CHN1: variants seen among roughly 807,000 people sequenced by gnomAD.
The protein encoded by CHN1 is N-chimaerin.
A neutral mutation model predicts 59.5 loss-of-function variants in CHN1; 37 were observed. The ratio of observed to expected loss-of-function variants is 0.62; its 90% CI spans 0.48 to 0.82. The LOEUF (loss-of-function observed/expected upper bound fraction) is 0.82. CHN1 is among the 40% of genes least tolerant of loss of function. CHN1 has a pLI of 0.00. For synonymous variants in CHN1, 206 were observed against 200.4 expected, an observed-to-expected ratio of 1.03 and a Z score of -0.24; for missense variants, 469 against 571.0, an observed-to-expected ratio of 0.82 and a Z score of 1.82.
intron 2 of CHN1, 56 bp downstream of exon 2, chr2:174,952,108 A>G: frequency 9.4e-7 from 1 of 1,061,972 alleles, no homozygotes; most frequent in Non-Finnish European, 1.3e-6. Flanking sequence ...TAATAATCCC[A>G]TATTTTTATA....
intron 5 of CHN1, among the ~76,000 whole-genome samples, chr2:174,884,921 T>C (rs1325459576): frequency 6.6e-6 from 1 of 152,142 alleles, no homozygotes; most frequent in Non-Finnish European, 1.5e-5. Flanking sequence ...TGGAATAGAA[T>C]TAGTAAAGAC....
chr2:174,916,302 A>C (rs1323127947), intron 4 of CHN1, among the ~76,000 whole-genome samples: 1 of 152,132 alleles, frequency 6.6e-6, no homozygotes, highest in East Asian at 1.9e-4. Flanking sequence ...AGTGGGATTC[A>C]CTTTATTTTT....
chr2:174,847,688 CA>C, intron 6 of CHN1: 1 of 1,282,482 alleles, frequency 7.8e-7, no homozygotes, highest in Non-Finnish European at 1.0e-6. Flanking sequence ...AATCAAGCAA[CA>C]GTATTTAAGT....
intron 1 of CHN1, among the ~76,000 whole-genome samples, chr2:174,995,027 ATAAAAG>A (rs1399955197): frequency 6.6e-6 from 1 of 152,226 alleles, no homozygotes; most frequent in Non-Finnish European, 1.5e-5. Flanking sequence ...AAGAAAAAAC[ATAAAAG>A]TAAATGTTTA....
At chr2:174,893,644 T>A (rs933682156) in intron 5 of CHN1, among the ~76,000 whole-genome samples, 1 of 152,148 alleles carries the variant, frequency 6.6e-6, no homozygotes, top group African/African-American at 2.4e-5. Context: ...GAAATTCATA[T>A]GAAATCTCAA....
chr2:174,870,761 C>T (rs1336038177), intron 6 of CHN1, among the ~76,000 whole-genome samples: 1 of 152,186 alleles, frequency 6.6e-6, no homozygotes, highest in Admixed American at 6.5e-5. Context: ...ATGATTATTT[C>T]CTCACCAAAA....
At position 175,005,254 on chromosome 2, in the gene CHN1, G is replaced by C; in HGVS notation, c.-342C>G. On this transcript the variant is annotated 5_prime_UTR_variant, in exon 1 of 13. Transcript: ENST00000409900. ...CGGCGCAGTGGCTGGCGGAGAGGCGGCGCCGCACTGGCGGCGGCGGCGGCG... is the reference window on the plus strand; with the variant it reads ...CGGCGCAGTGGCTGGCGGAGAGGCGCCGCCGCACTGGCGGCGGCGGCGGCG... 1 of 1,177,050 alleles carries C rather than the reference G, an allele frequency of 8.5e-7. No individual in the cohort carries two copies. Among genetic ancestry groups the C allele is most frequent in the Non-Finnish European group, 1.1e-6 (1 of 949,756 alleles). The allele number at this position is 1,177,050 out of a possible 1,614,324, so 72.9% of individuals were successfully genotyped here.
chr2:174,805,598 T>C (rs899108568), intron 11 of CHN1, among the ~76,000 whole-genome samples: 2 of 152,274 alleles, frequency 1.3e-5, no homozygotes, highest in East Asian at 3.9e-4. Context: ...AAAGATGGTC[T>C]GCAGCTGAGA....
At chr2:174,839,165 A>G (rs995759896) in intron 7 of CHN1, among the ~76,000 whole-genome samples, 61 of 152,280 alleles carry the variant, frequency 4.0e-4, no homozygotes, top group African/African-American at 1.4e-3. Context: ...ATTACCTCAC[A>G]TATTTTTTGT....
intron 10 of CHN1, among the ~76,000 whole-genome samples, chr2:174,810,156 G>A (rs993707017): frequency 1.3e-5 from 2 of 152,130 alleles, no homozygotes; most frequent in Non-Finnish European, 2.9e-5. Context: ...CAAAGGTATA[G>A]GATTATTCCT....
At chr2:174,997,245 G>A (rs1319980387) in intron 1 of CHN1, among the ~76,000 whole-genome samples, 2 of 152,056 alleles carry the variant, frequency 1.3e-5, no homozygotes, top group South Asian at 2.1e-4. Flanking sequence ...CTCACTTAAC[G>A]GTATCATCCA....
At chr2:174,837,845 T>C (rs1260048461) in intron 7 of CHN1, among the ~76,000 whole-genome samples, 1 of 152,210 alleles carries the variant, frequency 6.6e-6, no homozygotes, top group Admixed American at 6.5e-5. Flanking sequence ...TATATTCCAC[T>C]TCCTTTGGTG....
chr2:174,824,381 CCT>C, intron 8 of CHN1, 51 bp downstream of exon 8: 1 of 1,386,504 alleles, frequency 7.2e-7, no homozygotes, highest in Non-Finnish European at 9.9e-7. Flanking sequence ...TTCTACCTCA[CCT>C]CTTATAACTT....
Position 174,906,113 on chromosome 2 carries a change from GTATATACCCAAAAGA to G in CHN1, c.260+8930_260+8944del, listed in dbSNP as rs539733545. 3.5e-3 allele frequency among the ~76,000 whole-genome samples: 526 copies of G among 151,980 alleles called. 1 individual carries two copies. The highest frequency in any genetic ancestry group is 5.7e-3 in the Non-Finnish European group (390 of 67,976). On this transcript the variant is annotated intron_variant, in intron 5 of 12. Transcript: ENST00000409900. ...TACGACCCAGCAACTTCACTCCTAG[GTATATACCCAAAAGA>G]AATAAAAACATATGTTTATACAAAA...
chr2:174,841,758 T>C (rs902178924), intron 7 of CHN1, among the ~76,000 whole-genome samples: 1 of 152,212 alleles, frequency 6.6e-6, no homozygotes, highest in East Asian at 1.9e-4. Flanking sequence ...AAAATGTTTA[T>C]GTTGGACACT....
At chr2:174,955,246 A>T (rs941948238) in intron 1 of CHN1, among the ~76,000 whole-genome samples, 3 of 149,508 alleles carry the variant, frequency 2.0e-5, no homozygotes, top group African/African-American at 7.3e-5. Context: ...TATAGAGATA[A>T]ATAGATAGAC....
chr2:174,986,082 T>C (rs575163425), intron 1 of CHN1, among the ~76,000 whole-genome samples: 1 of 152,314 alleles, frequency 6.6e-6, no homozygotes, highest in Non-Finnish European at 1.5e-5. Flanking sequence ...TAGATTATTC[T>C]AAATCATGTG....
intron 2 of CHN1, among the ~76,000 whole-genome samples, chr2:174,945,663 C>T (rs762313125): frequency 6.6e-6 from 1 of 151,910 alleles, no homozygotes; most frequent in African/African-American, 2.4e-5. Flanking sequence ...AAGTTTATCT[C>T]TTAGAGATTT....
chr2:174,971,047 G>A (rs1197444827), intron 1 of CHN1, among the ~76,000 whole-genome samples: 2 of 152,182 alleles, frequency 1.3e-5, no homozygotes, highest in South Asian at 2.1e-4. Context: ...GACTGGGCGT[G>A]GTGGCTCAAG....
Sources: gnomAD v4.1 joint callset for allele counts (sites outside exome capture counted in the v4.1 genomes callset) on GRCh38, gnomAD v4.1.1 for gene constraint, MANE v1.5 for transcripts, NCBI Gene and HGNC (gene_info 2026-07-23, HGNC 2026-07-21) for gene names.